Variants in FAM20A observed in about 807,000 individuals in gnomAD.
FAM20A encodes pseudokinase FAM20A.
Under a neutral mutation model 52.0 loss-of-function variants are expected in FAM20A, and 42 were observed. The ratio of observed to expected loss-of-function variants is 0.81; its 90% CI spans 0.63 to 1.04. FAM20A has a LOEUF of 1.04. Among genes scored for constraint, FAM20A ranks in the 50% least tolerant of loss-of-function variants. FAM20A has a pLI of 0.00. For missense variants in FAM20A, 742 were observed against 712.7 expected, an observed-to-expected ratio of 1.04 and a Z score of -0.47; for synonymous variants, 304 against 298.9, an observed-to-expected ratio of 1.02 and a Z score of -0.18.
Position 68,600,272 on chromosome 17 carries a change from C to A in FAM20A, c.395G>T (p.Arg132Leu). ...CGGGCGGGGTCCTCACCTGTTCCAG[C>A]GGGCCACCTTCCTCCGGTAATACCG... is the stretch of plus-strand genomic sequence containing the variant. ...ALRYYRRKVA[R>L]WNRRHKMYRE... Residue 132 changes from arginine (R) to leucine (L), a missense_variant, in exon 1 of 11, where the codon CGC (arginine) becomes CTC (leucine). Transcript: ENST00000592554. This position sits in a 1 kb window ranked among gnomAD's most constrained non-coding sequence, Gnocchi z 6.2. The A allele has an allele frequency of 1.3e-6, 2 of 1,566,104 alleles. No homozygotes were observed. The highest frequency in any genetic ancestry group is 1.7e-6 in the Non-Finnish European group (2 of 1,156,060).
chr17:68,569,836 C>T (rs538099169), intron 1 of FAM20A, among the ~76,000 whole-genome samples: 2 of 152,320 alleles, frequency 1.3e-5, no homozygotes, highest in South Asian at 4.1e-4. Flanking sequence ...CCTCGTTTGT[C>T]TCATTTGTCT....
chr17:68,600,930 C>G lies in FAM20A; in HGVS notation c.-264G>C. ...GAGTGAGCCGAGGGAATGGGGTTCC[C>G]GGGGTGCCCGCTTCTTGCGCCTTTT... is the stretch of plus-strand genomic sequence containing the variant. On this transcript the variant is annotated 5_prime_UTR_variant, in exon 1 of 11. Transcript: ENST00000592554. This position sits in a 1 kb window ranked among gnomAD's most constrained non-coding sequence, Gnocchi z 6.2. The G allele has an allele frequency of 2.4e-6, 1 of 410,998 alleles. No homozygotes were observed. Among genetic ancestry groups the G allele is most frequent in the South Asian group, 6.7e-5 (1 of 14,932 alleles). The allele number at this position is 410,998 out of a possible 1,614,324, so 25.5% of individuals were successfully genotyped here.
At chr17:68,564,966 A>T (rs2087335003) in intron 1 of FAM20A, among the ~76,000 whole-genome samples, 1 of 152,120 alleles carries the variant, frequency 6.6e-6, no homozygotes, top group South Asian at 2.1e-4. Flanking sequence ...GCGGCTCCCC[A>T]TGCTCCTAGT....
At position 68,536,217 on chromosome 17, in the gene FAM20A, C is replaced by G. The variant is rs1402563734; in HGVS notation, c.*1260G>C. The G allele has an allele frequency of 2.2e-6, 1 of 454,124 alleles. No homozygotes were observed. The highest frequency in any genetic ancestry group is 4.4e-6 in the Non-Finnish European group (1 of 226,800). 28.1% of individuals were successfully genotyped at this position (454,124 alleles called of 1,614,324 possible). A position where few individuals can be genotyped will look rare whatever the true frequency, so the allele number is the denominator to read the frequency against. On this transcript the variant is annotated 3_prime_UTR_variant, in exon 11 of 11. Transcript: ENST00000592554. ...TTTCTGGTTCTTGACCTTGTACTCT[C>G]TTTAGTGACAGCTCCATTCTATTCT...
rs554637388 is a variant in FAM20A at position 68,547,233 on chromosome 17, A to G, written c.720-3512T>C. On this transcript the variant is annotated intron_variant, in intron 4 of 10. Transcript: ENST00000592554. ...GTTCCCAGCGACATTATCACCTAAC[A>G]AGAGAGTCAGCCTGTCCTTTGAATC... 2.0e-5 allele frequency among the ~76,000 whole-genome samples: 3 copies of G among 152,300 alleles called. No homozygotes were observed. In the East Asian group the frequency reaches 5.8e-4, roughly 29 times the overall value.
chr17:68,568,912 G>A (rs957565747), intron 1 of FAM20A, among the ~76,000 whole-genome samples: 1 of 150,960 alleles, frequency 6.6e-6, no homozygotes, highest in African/African-American at 2.4e-5. Context: ...GTAGGGGTGG[G>A]AGCAGGGGTG....
At chr17:68,541,021 C>A in intron 7 of FAM20A, 63 bp from the exon 8 acceptor site, 1 of 1,547,124 alleles carries the variant, frequency 6.5e-7, no homozygotes, top group Non-Finnish European at 8.7e-7. Flanking sequence ...GGGGGTCTCC[C>A]CACACCTCCC....
chr17:68,593,337 T>C (rs1009618670), intron 1 of FAM20A, among the ~76,000 whole-genome samples: 2 of 152,242 alleles, frequency 1.3e-5, no homozygotes, highest in African/African-American at 4.8e-5. Flanking sequence ...TTTGGCTAAA[T>C]CAAGGTCTCT....
At chr17:68,549,742 C>T (rs1486440308) in intron 4 of FAM20A, among the ~76,000 whole-genome samples, 1 of 152,166 alleles carries the variant, frequency 6.6e-6, no homozygotes, top group Non-Finnish European at 1.5e-5. Flanking sequence ...CTATGACAAC[C>T]AGAACCTCAC....
rs907011956 is a variant in FAM20A, at chr17:68,565,581, A to T, written c.405-9838T>A. On this transcript the variant is annotated intron_variant, in intron 1 of 10. Coordinates refer to ENST00000592554, the MANE Select transcript of FAM20A (RefSeq NM_017565.4). ...GCTAACTTTTGTATTTTTAGTAGAG[A>T]TGGGGTTTCACCACGTTGGTCAGGC... Among the ~76,000 whole-genome samples the T allele has an allele frequency of 6.6e-5, 10 of 151,628 alleles. No homozygotes were observed. The East Asian group carries it at 1.7e-3, about 26-fold the overall frequency.
chr17:68,596,557 C>A (rs1320098277), intron 1 of FAM20A, among the ~76,000 whole-genome samples: 1 of 152,198 alleles, frequency 6.6e-6, no homozygotes, highest in East Asian at 1.9e-4. Context: ...CAAAGGCGAG[C>A]AACAGTGTGA....
intron 1 of FAM20A, among the ~76,000 whole-genome samples, chr17:68,576,123 C>T (rs1285224084): frequency 2.6e-5 from 4 of 152,156 alleles, no homozygotes; most frequent in Admixed American, 2.0e-4. Context: ...GCTCCAAATT[C>T]GTAGTGCCAT....
Position 68,591,889 on chromosome 17 carries a change from T to A in FAM20A, c.404+8374A>T, listed in dbSNP as rs1170317594. 2.0e-5 allele frequency: 3 copies of A among 152,258 alleles called. No individual in the cohort carries two copies. In the East Asian group the frequency reaches 5.8e-4, roughly 29 times the overall value. The allele number at this position is 152,258 out of a possible 1,614,324, so 9.4% of individuals were successfully genotyped here. A position where few individuals can be genotyped will look rare whatever the true frequency, so the allele number is the denominator to read the frequency against. ...TTGCTCTGCTGAGAGGTATCTTTCTTTTTTCCTTTTTGCCCAGTAAATTCC... is the reference window on the plus strand; with the variant it reads ...TTGCTCTGCTGAGAGGTATCTTTCTATTTTCCTTTTTGCCCAGTAAATTCC... On this transcript the variant is annotated intron_variant, in intron 1 of 10. Coordinates refer to ENST00000592554, the MANE Select transcript of FAM20A (RefSeq NM_017565.4).
At chr17:68,549,725 T>A (rs1209728053) in intron 4 of FAM20A, among the ~76,000 whole-genome samples, 1 of 152,178 alleles carries the variant, frequency 6.6e-6, no homozygotes, top group Non-Finnish European at 1.5e-5. Flanking sequence ...TAACAATAAT[T>A]TAAACTCTAT....
intron 1 of FAM20A, among the ~76,000 whole-genome samples, chr17:68,584,025 T>C (rs888976432): frequency 1.3e-5 from 2 of 151,274 alleles, no homozygotes; most frequent in Non-Finnish European, 2.9e-5. Context: ...CCTTGAAGAG[T>C]TTAAGATCTG....
intron 1 of FAM20A, among the ~76,000 whole-genome samples, chr17:68,587,484 T>G (rs941530058): frequency 1.3e-5 from 2 of 152,218 alleles, no homozygotes; most frequent in African/African-American, 4.8e-5. Context: ...TGAGGGCATT[T>G]TTATCCATTT....
chr17:68,552,004 T>C, intron 3 of FAM20A, 53 bp from the exon 4 acceptor site: 2 of 1,197,114 alleles, frequency 1.7e-6, no homozygotes, highest in South Asian at 1.3e-5. Context: ...CAGCCAAGGC[T>C]TGTGACTCTG....
rs2286559 is a variant in FAM20A, at chr17:68,540,862, G to A, written c.1206C>T (p.Phe402=). 1,709 of 1,601,706 alleles carry A rather than the reference G, an allele frequency of 1.1e-3. 30 individuals are homozygous for A. The East Asian group carries it at 0.033, about 31-fold the overall frequency. Residue 402 remains phenylalanine (F), a synonymous_variant, in exon 8 of 11, where the codon TTC becomes TTT. Transcript: ENST00000592554. ...GTGGGGACCTACCTATCAAGAAGTC[G>A]AAGATGGCCATGTCGATGACATTGA... ...RLLNVIDMAI[F]DFLIGNMDRH...
At chr17:68,575,669 ATATAT>A (rs1431764933) in intron 1 of FAM20A, among the ~76,000 whole-genome samples, 127 of 119,556 alleles carry the variant, frequency 1.1e-3, no homozygotes, top group African/African-American at 3.6e-3. Context: ...TTTTATATTT[ATATAT>A]TATATTTTTA....
Sources: gnomAD v4.1 joint callset for allele counts (sites outside exome capture counted in the v4.1 genomes callset) on GRCh38, gnomAD v4.1.1 for gene constraint, Gnocchi (gnomAD v3.1) non-coding constraint, MANE v1.5 for transcripts, NCBI Gene and HGNC (gene_info 2026-07-23, HGNC 2026-07-21) for gene names.